Variants in ADAMTS2 observed in about 807,000 individuals in gnomAD.
ADAMTS2 encodes A disintegrin and metalloproteinase with thrombospondin motifs 2.
A neutral mutation model predicts 123.0 loss-of-function variants in ADAMTS2; 50 were observed. The ratio of observed to expected loss-of-function variants is 0.41; its 90% CI spans 0.32 to 0.51. The LOEUF (loss-of-function observed/expected upper bound fraction) is 0.51, where lower values mean the gene tolerates loss of function less well. ADAMTS2 is among the 20% of genes least tolerant of loss of function. ADAMTS2 has a pLI of 0.35. For synonymous variants in ADAMTS2, 678 were observed against 695.4 expected (o/e 0.98, Z 0.39); for missense variants, 1,494 against 1,705.2 (o/e 0.88, Z 2.18).
In ADAMTS2 at chr5:179,127,862, C is replaced by T. The variant is rs1449829465; in HGVS notation, c.2617+97G>A. 1.8e-5 allele frequency: 28 copies of T among 1,537,002 alleles called. No homozygotes were observed. In the East Asian group the frequency reaches 3.8e-4, roughly 21 times the overall value. On this transcript the variant is annotated intron_variant, in intron 17 of 21. Coordinates refer to ENST00000251582, the MANE Select transcript of ADAMTS2 (RefSeq NM_014244.5). ...GGCAAAGGTCCCTGCTGTGGCTCCTCGGCCCCTGCTCACGCTGGCCCCACC... is the reference window on the plus strand; with the variant it reads ...GGCAAAGGTCCCTGCTGTGGCTCCTTGGCCCCTGCTCACGCTGGCCCCACC...
chr5:179,190,600 G>A, intron 4 of ADAMTS2, among the ~76,000 whole-genome samples: 1 of 152,190 alleles, frequency 6.6e-6, no homozygotes, highest in East Asian at 1.9e-4. Flanking sequence ...TCATACACCA[G>A]GCCAGACTGA....
At chr5:179,141,261 A>C (rs1763165317) in intron 10 of ADAMTS2, among the ~76,000 whole-genome samples, 1 of 152,230 alleles carries the variant, frequency 6.6e-6, no homozygotes, top group Non-Finnish European at 1.5e-5. Context: ...AAAGGGCCAG[A>C]GAGTAACTAT....
intron 5 of ADAMTS2, among the ~76,000 whole-genome samples, chr5:179,166,189 G>T (rs1266803737): frequency 2.0e-5 from 3 of 152,266 alleles, no homozygotes; most frequent in Admixed American, 2.0e-4. Context: ...TCACAGAGCT[G>T]CCCAGATGCA....
intron 2 of ADAMTS2, among the ~76,000 whole-genome samples, chr5:179,339,848 T>C (rs1441969725): frequency 6.6e-6 from 1 of 152,258 alleles, no homozygotes; most frequent in Non-Finnish European, 1.5e-5. Flanking sequence ...CACCTGAGCC[T>C]GCTGGAGCCC....
Position 179,340,088 on chromosome 5 carries a change from G to A in ADAMTS2, c.534+3679C>T, listed in dbSNP as rs148768300. Reference sequence around the variant, plus strand: ...TTGGGTCTCTCTGAGCCTCAGCCACGCAGTGGGGCAGCCCTATCTCACAGG... The same window carrying A: ...TTGGGTCTCTCTGAGCCTCAGCCACACAGTGGGGCAGCCCTATCTCACAGG... On this transcript the variant is annotated intron_variant, in intron 2 of 21. Transcript: ENST00000251582. Among the ~76,000 whole-genome samples, 1,430 of 152,352 alleles carry A rather than the reference G, an allele frequency of 9.4e-3. 21 individuals are homozygous for A. Among genetic ancestry groups the A allele is most frequent in the African/African-American group, 0.032 (1,329 of 41,566 alleles).
At chr5:179,238,398 G>A (rs1385323900) in intron 3 of ADAMTS2, among the ~76,000 whole-genome samples, 1 of 152,200 alleles carries the variant, frequency 6.6e-6, no homozygotes, top group Non-Finnish European at 1.5e-5. Flanking sequence ...CTAGCAGAAG[G>A]AACAGAGGGT....
chr5:179,339,061 A>G (rs1040083107), intron 2 of ADAMTS2, among the ~76,000 whole-genome samples: 2 of 152,194 alleles, frequency 1.3e-5, no homozygotes, highest in African/African-American at 2.4e-5. Flanking sequence ...TCTGGAGTCC[A>G]GGAGAAGGGT....
rs544904155 is a variant in ADAMTS2 at position 179,223,593 on chromosome 5, C to T, written c.689-15878G>A. On this transcript the variant is annotated intron_variant, in intron 3 of 21. Transcript: ENST00000251582. ...ATGCACTCGCACACGCATGCACTCA[C>T]GCGTGAATGCACTCGCATACTCACA... Among the ~76,000 whole-genome samples the T allele has an allele frequency of 4.1e-3, 622 of 151,264 alleles. 1 individual carries two copies. Among genetic ancestry groups the T allele is most frequent in the African/African-American group, 0.014 (589 of 41,292 alleles).
At chr5:179,169,371 T>C (rs1763771745) in intron 5 of ADAMTS2, among the ~76,000 whole-genome samples, 1 of 152,218 alleles carries the variant, frequency 6.6e-6, no homozygotes, top group Non-Finnish European at 1.5e-5. Flanking sequence ...TTCCATTGGT[T>C]ATAAATTACT....
At position 179,154,129 on chromosome 5, in the gene ADAMTS2, G is replaced by C. The variant is rs777854247; in HGVS notation, c.1302C>G (p.Ile434Met). ...RCGDEVRLGS[I>M]MAPLVQAAFH... ...AGGCGGCCTGCACCAGGGGCGCCAT[G>C]ATGCTGCCCAGCCGCACCTCGTCGC... is the stretch of plus-strand genomic sequence containing the variant. The change falls in exon 8 of 22, where the codon ATC (isoleucine) becomes ATG (methionine). Residue 434 changes from isoleucine (I) to methionine (M), a missense_variant. Around this residue, in one of 6 missense-constraint regions of ADAMTS2, gnomAD observed 953 missense variants for 1,124.7 expected, o/e 0.85. Transcript: ENST00000251582. The C allele has an allele frequency of 6.3e-7, 1 of 1,592,430 alleles. No homozygotes were observed.
Position 179,132,652 on chromosome 5 carries a change from C to A in ADAMTS2, c.2209+125G>T. The A allele has an allele frequency of 1.4e-6, 2 of 1,413,616 alleles. No individual in the cohort carries two copies. Among genetic ancestry groups the A allele is most frequent in the Non-Finnish European group, 2.0e-6 (2 of 1,010,794 alleles). The allele number at this position is 1,413,616 out of a possible 1,614,324, so 87.6% of individuals were successfully genotyped here. ...CTCCCTCCCCCTCAGTGTCACAGAC[C>A]TCTCCCCCTCCCCAGAACAGTCATA... is the stretch of plus-strand genomic sequence containing the variant. On this transcript the variant is annotated intron_variant, in intron 14 of 21. Coordinates refer to ENST00000251582, the MANE Select transcript of ADAMTS2 (RefSeq NM_014244.5). This position sits in a 1 kb window ranked among gnomAD's most constrained non-coding sequence, Gnocchi z 6.1.
At chr5:179,199,602 A>G (rs1764514604) in intron 4 of ADAMTS2, among the ~76,000 whole-genome samples, 1 of 151,870 alleles carries the variant, frequency 6.6e-6, no homozygotes, top group Non-Finnish European at 1.5e-5. Context: ...AAGCTCTCAG[A>G]CCCCAGTGGG....
At chr5:179,287,791 C>T (rs1756062930) in intron 2 of ADAMTS2, among the ~76,000 whole-genome samples, 1 of 152,212 alleles carries the variant, frequency 6.6e-6, no homozygotes. Context: ...ACCAAGGGCC[C>T]AGCTGCCTGG....
chr5:179,119,022 G>A (rs2113171791), intron 21 of ADAMTS2, among the ~76,000 whole-genome samples: 1 of 152,296 alleles, frequency 6.6e-6, no homozygotes, highest in Middle Eastern at 3.4e-3. Context: ...CATTCAAAAG[G>A]TCATGCAGCT....
At chr5:179,177,021 C>T (rs758022445) in intron 5 of ADAMTS2, among the ~76,000 whole-genome samples, 9 of 152,182 alleles carry the variant, frequency 5.9e-5, no homozygotes, top group Non-Finnish European at 1.0e-4. Context: ...GCCTGACCCG[C>T]GTCTCCTCCA....
rs10479526 is a variant in ADAMTS2, at chr5:179,128,392, T to G, written c.2458-274A>C. ...TGTGTGAGTCTGTTTATTTTTTTGT[T>G]TGTTTTTGTTTGTTTTTGAGATGGA... On this transcript the variant is annotated intron_variant, in intron 16 of 21. Coordinates refer to ENST00000251582, the MANE Select transcript of ADAMTS2 (RefSeq NM_014244.5). The surrounding 1 kb of genome is among the most constrained non-coding windows in gnomAD (Gnocchi z 4.9). Among the ~76,000 whole-genome samples the G allele has an allele frequency of 0.042, 6,355 of 151,526 alleles. 445 individuals are homozygous for G. Among genetic ancestry groups the G allele is most frequent in the African/African-American group, 0.14 (5,992 of 41,458 alleles).
At chr5:179,296,379 C>T (rs188876580) in intron 2 of ADAMTS2, among the ~76,000 whole-genome samples, 18 of 152,052 alleles carry the variant, frequency 1.2e-4, no homozygotes, top group Admixed American at 9.2e-4. Flanking sequence ...GAGCAGGGAG[C>T]GGGAAGGTCC....
rs149669955 is a variant in ADAMTS2 at position 179,293,249 on chromosome 5, A to T, written c.535-20185T>A. Among the ~76,000 whole-genome samples, 12 of 152,354 alleles carry T rather than the reference A, an allele frequency of 7.9e-5. No individual in the cohort carries two copies. The East Asian group carries it at 1.5e-3, about 20-fold the overall frequency. ...ACGTCCTTAAAAAGTGCTAATCTTCACAAAAGAGGCAGCGGCCTGTGCCTT... is the reference window on the plus strand; with the variant it reads ...ACGTCCTTAAAAAGTGCTAATCTTCTCAAAAGAGGCAGCGGCCTGTGCCTT... On this transcript the variant is annotated intron_variant, in intron 2 of 21. Coordinates refer to ENST00000251582, the MANE Select transcript of ADAMTS2 (RefSeq NM_014244.5).
chr5:179,259,813 A>G (rs1350038097), intron 3 of ADAMTS2, among the ~76,000 whole-genome samples: 2 of 152,210 alleles, frequency 1.3e-5, no homozygotes. Context: ...GGCACCCCCA[A>G]TTTTGGCCAC....
Sources: gnomAD v4.1 joint callset for allele counts (sites outside exome capture counted in the v4.1 genomes callset) on GRCh38, gnomAD v4.1.1 for gene constraint, gnomAD v4.1.1 regional missense constraint, Gnocchi (gnomAD v3.1) non-coding constraint, MANE v1.5 for transcripts, NCBI Gene and HGNC (gene_info 2026-07-23, HGNC 2026-07-21) for gene names.